Variants in SPAG16 observed in about 807,000 individuals in gnomAD.
SPAG16 encodes sperm associated antigen 16.
SPAG16 carries 86 observed loss-of-function variants against 80.4 expected under a neutral mutation model. That is an observed-to-expected ratio of 1.07 (90% CI 0.90 to 1.28). SPAG16 has a LOEUF of 1.28. Among genes scored for constraint, SPAG16 ranks in the 50% most tolerant of loss-of-function variants. SPAG16 has a pLI of 0.00. For missense variants in SPAG16, 870 were observed against 765.3 expected (o/e 1.14, Z -1.61); for synonymous variants, 294 against 265.9 (o/e 1.11, Z -1.03).
At chr2:213,450,929 T>C (rs1339248097) in intron 9 of SPAG16, among the ~76,000 whole-genome samples, 3 of 152,186 alleles carry the variant, frequency 2.0e-5, no homozygotes, top group East Asian at 1.9e-4. Flanking sequence ...GTTTACCACA[T>C]TTGATGAGTT....
intron 15 of SPAG16, among the ~76,000 whole-genome samples, chr2:214,308,481 C>A (rs776576326): frequency 6.6e-6 from 1 of 152,074 alleles, no homozygotes; most frequent in Non-Finnish European, 1.5e-5. Context: ...TTTATAGTGT[C>A]ACTGGTCTGT....
intron 10 of SPAG16, among the ~76,000 whole-genome samples, chr2:213,737,984 G>T (rs1360884166): frequency 1.4e-5 from 2 of 142,236 alleles, no homozygotes; most frequent in African/African-American, 4.9e-5. Flanking sequence ...TTCATTCATT[G>T]AATTTCTTAA....
chr2:213,980,134 G>A (rs2045621192), intron 12 of SPAG16, among the ~76,000 whole-genome samples: 1 of 150,290 alleles, frequency 6.7e-6, no homozygotes, highest in African/African-American at 2.4e-5. Context: ...GGTAGATCAC[G>A]AGGTCAAGAG....
At chr2:213,620,895 A>G (rs2061758568) in intron 10 of SPAG16, among the ~76,000 whole-genome samples, 1 of 152,188 alleles carries the variant, frequency 6.6e-6, no homozygotes, top group Non-Finnish European at 1.5e-5. Flanking sequence ...GAAACACATC[A>G]GAGTTTTACA....
At chr2:213,784,813 A>G (rs1324862368) in intron 10 of SPAG16, among the ~76,000 whole-genome samples, 1 of 151,662 alleles carries the variant, frequency 6.6e-6, no homozygotes, top group Non-Finnish European at 1.5e-5. Flanking sequence ...TTTTTTTTGT[A>G]GCTAATGTCC....
At chr2:213,799,970 A>G (rs561756923) in intron 10 of SPAG16, among the ~76,000 whole-genome samples, 206 of 152,038 alleles carry the variant, frequency 1.4e-3, no homozygotes, top group African/African-American at 4.8e-3. Flanking sequence ...GAAAAAAAAA[A>G]AAAAAAGAAA....
chr2:213,759,404 T>C (rs1029965100), intron 10 of SPAG16, among the ~76,000 whole-genome samples: 4 of 152,036 alleles, frequency 2.6e-5, no homozygotes, highest in African/African-American at 7.2e-5. Flanking sequence ...GTACATAATT[T>C]AAGAGACTAA....
At chr2:214,256,043 A>G (rs970096639) in intron 15 of SPAG16, among the ~76,000 whole-genome samples, 2 of 151,980 alleles carry the variant, frequency 1.3e-5, no homozygotes, top group Admixed American at 1.3e-4. Flanking sequence ...TTCTCATAAT[A>G]AGGATATAAT....
intron 10 of SPAG16, among the ~76,000 whole-genome samples, chr2:213,516,002 G>C (rs886961382): frequency 6.6e-6 from 1 of 152,114 alleles, no homozygotes; most frequent in Non-Finnish European, 1.5e-5. Flanking sequence ...CATAGGGAGA[G>C]GAGGGAACCA....
intron 10 of SPAG16, among the ~76,000 whole-genome samples, chr2:213,694,348 AT>A (rs1399862964): frequency 1.3e-5 from 2 of 152,186 alleles, no homozygotes; most frequent in Non-Finnish European, 2.9e-5. Flanking sequence ...TTCCTCCCTT[AT>A]TCAGAGAAGT....
At chr2:213,630,483 G>T (rs372879505) in intron 10 of SPAG16, among the ~76,000 whole-genome samples, 21 of 152,198 alleles carry the variant, frequency 1.4e-4, no homozygotes, top group African/African-American at 4.8e-4. Context: ...AAAATGGTAA[G>T]TTTGTAAGTT....
At chr2:214,317,996 T>C (rs1695810697) in intron 15 of SPAG16, among the ~76,000 whole-genome samples, 1 of 152,226 alleles carries the variant, frequency 6.6e-6, no homozygotes, top group Non-Finnish European at 1.5e-5. Context: ...TTAGGATGTA[T>C]GTAAGGGAGG....
chr2:214,265,004 C>T (rs1313149930), intron 15 of SPAG16, among the ~76,000 whole-genome samples: 1 of 152,098 alleles, frequency 6.6e-6, no homozygotes, highest in Non-Finnish European at 1.5e-5. Flanking sequence ...TATGGCTTTA[C>T]TACAGTTTGT....
chr2:214,270,956 C>G (rs1232653267), intron 15 of SPAG16, among the ~76,000 whole-genome samples: 2 of 151,954 alleles, frequency 1.3e-5, no homozygotes, highest in Non-Finnish European at 2.9e-5. Flanking sequence ...TACCTTTTTC[C>G]CGAATATACC....
chr2:213,540,929 T>G lies in SPAG16; in HGVS notation c.1070+50839T>G, dbSNP rs2076423500. Among the ~76,000 whole-genome samples, 4 of 152,286 alleles carry G rather than the reference T, an allele frequency of 2.6e-5. No individual in the cohort carries two copies. In the South Asian group the frequency reaches 8.3e-4, roughly 32 times the overall value. Reference sequence around the variant, plus strand: ...GAATGTGAAAATCTAGGGAGAGGGATGGAAGCTATTTGTGTGTGTATGTGC... The same window carrying G: ...GAATGTGAAAATCTAGGGAGAGGGAGGGAAGCTATTTGTGTGTGTATGTGC... On this transcript the variant is annotated intron_variant, in intron 10 of 15. Transcript: ENST00000331683.
chr2:213,543,270 C>T lies in SPAG16; in HGVS notation c.1070+53180C>T, dbSNP rs547694179. On this transcript the variant is annotated intron_variant, in intron 10 of 15. Transcript: ENST00000331683. ...TGAATGGTCATTTCATATCTTTTGC[C>T]TATTTCTCTATTAGACTCTCAGTAC... Among the ~76,000 whole-genome samples the T allele has an allele frequency of 5.9e-5, 9 of 151,968 alleles. No homozygotes were observed. In the South Asian group the frequency reaches 1.5e-3, roughly 25 times the overall value.
chr2:213,740,011 G>A (rs896175694), intron 10 of SPAG16, among the ~76,000 whole-genome samples: 1 of 152,086 alleles, frequency 6.6e-6, no homozygotes, highest in South Asian at 2.1e-4. Flanking sequence ...ACAATACTAT[G>A]AATTCTTTTG....
At chr2:213,984,273 T>C (rs1426295014) in intron 12 of SPAG16, among the ~76,000 whole-genome samples, 1 of 152,132 alleles carries the variant, frequency 6.6e-6, no homozygotes, top group Non-Finnish European at 1.5e-5. Flanking sequence ...CTATGTCTCA[T>C]TTATGATTTA....
At chr2:213,463,815 GT>G (rs1374669310) in intron 9 of SPAG16, among the ~76,000 whole-genome samples, 2 of 152,210 alleles carry the variant, frequency 1.3e-5, no homozygotes, top group South Asian at 2.1e-4. Context: ...TGGTGTTGCA[GT>G]TTTTTTGCTT....
Sources: gnomAD v4.1 joint callset for allele counts (sites outside exome capture counted in the v4.1 genomes callset) on GRCh38, gnomAD v4.1.1 for gene constraint, MANE v1.5 for transcripts, NCBI Gene and HGNC (gene_info 2026-07-23, HGNC 2026-07-21) for gene names.